The following WDFY3 variants were observed in gnomAD, a reference collection of about 807,000 sequenced individuals.
The protein encoded by WDFY3 is WD repeat and FYVE domain containing 3, also known as WD repeat and FYVE domain-containing protein 3.
In WDFY3, 66 loss-of-function variants were observed where a neutral mutation model predicts 409.6. The observed-to-expected ratio is 0.16, with a 90% confidence interval of 0.13 to 0.20. The LOEUF is 0.20. Ranked by LOEUF, WDFY3 falls within the 10% of genes least tolerant of loss-of-function variation. The pLI is 1.00. For synonymous variants in WDFY3, 1,521 were observed against 1,537.1 expected (o/e 0.99, Z 0.25); for missense variants, 3,031 against 4,298.1 (o/e 0.71, Z 8.24).
At chr4:84,862,730 G>A (rs1226481181) in intron 3 of WDFY3, among the ~76,000 whole-genome samples, 1 of 152,110 alleles carries the variant, frequency 6.6e-6, no homozygotes, top group Admixed American at 6.6e-5. Context: ...GCTGACGCCT[G>A]TAATCCCAGC....
At position 84,690,678 on chromosome 4, in the gene WDFY3, C is replaced by T. The variant is rs756372134; in HGVS notation, c.9205-14G>A. On this transcript the variant is annotated splice_polypyrimidine_tract_variant and intron_variant, in intron 60 of 67. Transcript: ENST00000295888. ...AACAGTCATGGCCTATAAAGTAAAA[C>T]GGATGTGAGACACACATGCCGTTAA... 39 of 1,602,064 alleles carry T rather than the reference C, an allele frequency of 2.4e-5. No individual in the cohort carries two copies. Among genetic ancestry groups the T allele is most frequent in the Admixed American group, 8.5e-5 (5 of 58,526 alleles).
Position 84,690,564 on chromosome 4 carries a change from A to G in WDFY3, c.9305T>C (p.Val3102Ala). The G allele has an allele frequency of 3.7e-6, 6 of 1,614,096 alleles. No individual in the cohort carries two copies. Among genetic ancestry groups the G allele is most frequent in the Non-Finnish European group, 5.1e-6 (6 of 1,180,024 alleles). The change falls in exon 61 of 68, where the codon GTG (valine) becomes GCG (alanine). Residue 3102 changes from valine (V) to alanine (A), a missense_variant. Physicochemically the swap from Val to Ala is moderately conservative, Grantham distance 64. This residue lies in a region of WDFY3 where 152 missense variants were observed against 193.5 expected (regional missense o/e 0.79). Coordinates refer to ENST00000295888, the MANE Select transcript of WDFY3 (RefSeq NM_014991.6). ...LVITGGTSTV[V>A]CVWEMGTSKE... ...GGAGGTGCCCATCTCCCACACACAC[A>G]CAACCGTGCTTGTTCCACCCGTGAT...
intron 7 of WDFY3, among the ~76,000 whole-genome samples, chr4:84,832,457 A>AT (rs1346982771): frequency 6.6e-6 from 1 of 152,200 alleles, no homozygotes; most frequent in South Asian, 2.1e-4. Flanking sequence ...TGTATTGTAT[A>AT]TTTTTAAATA....
At chr4:84,711,579 G>A (rs771616129) in intron 51 of WDFY3, among the ~76,000 whole-genome samples, 5 of 152,050 alleles carry the variant, frequency 3.3e-5, no homozygotes, top group Non-Finnish European at 7.4e-5. Context: ...CAGGCCAGGC[G>A]CAGGGGCTCA....
intron 67 of WDFY3, among the ~76,000 whole-genome samples, chr4:84,673,770 T>C (rs958552573): frequency 6.6e-6 from 1 of 151,794 alleles, no homozygotes; most frequent in Admixed American, 6.6e-5. Flanking sequence ...AAGATTGAAA[T>C]GGAAATGAAA....
rs1766230471 is a variant in WDFY3, at chr4:84,900,668, AGG to A, written c.-131-3660_-131-3659del. ...TGATGAAGACAGATTGGTGGTTGCC[AGG>A]GGTTAGAGGTGAGAGAGACTGTGAC... On this transcript the variant is annotated intron_variant, in intron 2 of 67. Coordinates refer to ENST00000295888, the MANE Select transcript of WDFY3 (RefSeq NM_014991.6). 2.6e-5 allele frequency among the ~76,000 whole-genome samples: 4 copies of A among 152,202 alleles called. No individual in the cohort carries two copies. In the South Asian group the frequency reaches 8.3e-4, roughly 31 times the overall value.
At chr4:84,947,541 TAAA>T (rs34319518) in intron 1 of WDFY3, among the ~76,000 whole-genome samples, 24 of 137,594 alleles carry the variant, frequency 1.7e-4, no homozygotes, top group African/African-American at 6.7e-4. Context: ...ATAATAATAA[TAAA>T]AATAATAAAT....
intron 9 of WDFY3, among the ~76,000 whole-genome samples, 156 bp from the exon 10 acceptor site, chr4:84,827,137 T>C (rs1754980254): frequency 6.6e-6 from 1 of 152,054 alleles, no homozygotes; most frequent in Admixed American, 6.6e-5. Flanking sequence ...AATTATCTTT[T>C]AACCACGGCT....
chr4:84,894,052 A>T (rs1175737129), intron 3 of WDFY3, among the ~76,000 whole-genome samples: 1 of 152,184 alleles, frequency 6.6e-6, no homozygotes, highest in Non-Finnish European at 1.5e-5. Flanking sequence ...TACATTAAAG[A>T]CTCTATAAGG....
At chr4:84,780,365 T>C (rs1353000300) in intron 25 of WDFY3, 67 bp from the exon 26 acceptor site, 2 of 1,418,096 alleles carry the variant, frequency 1.4e-6, no homozygotes, top group East Asian at 2.4e-5. Flanking sequence ...GTATACATCA[T>C]CTTGAAAAGT....
chr4:84,805,744 T>TA (rs1249131055), intron 15 of WDFY3, among the ~76,000 whole-genome samples: 1 of 152,196 alleles, frequency 6.6e-6, no homozygotes. Flanking sequence ...GTAGAGGCAC[T>TA]AAGTAATGGA....
intron 1 of WDFY3, among the ~76,000 whole-genome samples, chr4:84,963,280 C>T (rs193282889): frequency 4.1e-4 from 62 of 151,798 alleles, no homozygotes; most frequent in Admixed American, 2.6e-3. Context: ...AAAAATTAGC[C>T]AGGCGTGGTG....
At chr4:84,837,119 T>C in intron 6 of WDFY3, 29 bp from the exon 7 acceptor site, 5 of 1,458,986 alleles carry the variant, frequency 3.4e-6, no homozygotes, top group Non-Finnish European at 3.7e-6. Context: ...AATAAGTGAA[T>C]AGATAGACAC....
intron 5 of WDFY3, among the ~76,000 whole-genome samples, chr4:84,843,325 G>A (rs1199750630): frequency 1.3e-5 from 2 of 152,122 alleles, no homozygotes; most frequent in African/African-American, 4.8e-5. Context: ...CTGTATCACT[G>A]TAAAAAAATA....
At chr4:84,734,297 T>C (rs1323206913) in intron 43 of WDFY3, among the ~76,000 whole-genome samples, 1 of 152,140 alleles carries the variant, frequency 6.6e-6, no homozygotes, top group African/African-American at 2.4e-5. Context: ...TGCCCAATGA[T>C]TCATGGAATA....
rs1740933598 is a variant in WDFY3, at chr4:84,753,718, A to G, written c.5718T>C (p.Asn1906=). The G allele has an allele frequency of 4.4e-6, 7 of 1,594,554 alleles. No individual in the cohort carries two copies. The highest frequency in any genetic ancestry group is 5.1e-6 in the Non-Finnish European group (6 of 1,172,042). Residue 1906 remains asparagine, a synonymous_variant, in exon 35 of 68, where the codon AAT becomes AAC. Transcript: ENST00000295888. ...CALAATVFPF[N]IRPYSEMVTD... ...CTACCATCTCTGAGTAAGGGCGAAT[A>G]TTGAAGGGGAAGACGGTGGCTGCTA...
intron 67 of WDFY3, among the ~76,000 whole-genome samples, chr4:84,676,628 G>A (rs1242489771): frequency 6.6e-6 from 1 of 151,216 alleles, no homozygotes; most frequent in Non-Finnish European, 1.5e-5. Flanking sequence ...GCATCAAAAG[G>A]GAAATAATGA....
intron 3 of WDFY3, among the ~76,000 whole-genome samples, chr4:84,878,745 A>C (rs1441390496): frequency 6.6e-6 from 1 of 152,182 alleles, no homozygotes; most frequent in East Asian, 1.9e-4. Context: ...GTTACCAAAA[A>C]TGGAATTTCC....
chr4:84,689,128 G>C (rs1164504568), intron 61 of WDFY3, among the ~76,000 whole-genome samples: 1 of 152,106 alleles, frequency 6.6e-6, no homozygotes, highest in Non-Finnish European at 1.5e-5. Context: ...GAAAGCCTTG[G>C]GTGTAAATCA....
Sources: gnomAD v4.1 joint callset for allele counts (sites outside exome capture counted in the v4.1 genomes callset) on GRCh38, gnomAD v4.1.1 for gene constraint, gnomAD v4.1.1 regional missense constraint, MANE v1.5 for transcripts, NCBI Gene and HGNC (gene_info 2026-07-23, HGNC 2026-07-21) for gene names.